P2RY8: variants seen among roughly 807,000 people sequenced by gnomAD.
P2RY8 encodes the protein P2Y receptor family member 8.
P2RY8 carries 6 observed loss-of-function variants against 10.0 expected under a neutral mutation model. That is an observed-to-expected ratio of 0.60 (90% CI 0.33 to 1.19). The LOEUF (loss-of-function observed/expected upper bound fraction) is 1.19. Ranked by LOEUF, P2RY8 falls within the 50% of genes most tolerant of loss-of-function variation. P2RY8 has a pLI of 0.04. For synonymous variants in P2RY8, 276 were observed against 252.5 expected, an observed-to-expected ratio of 1.09 and a Z score of -0.88; for missense variants, 456 against 542.0, an observed-to-expected ratio of 0.84 and a Z score of 1.58.
intron 1 of P2RY8, among the ~76,000 whole-genome samples, chrX:1,535,728 G>GACACACAGACACACACAC (rs2092521074): frequency 5.5e-5 from 3 of 54,816 alleles, no homozygotes; most frequent in Non-Finnish European, 7.6e-5. Flanking sequence ...CACACACACA[G>GACACACAGACACACACAC]ACACACACAC....
Position 1,466,443 on chromosome X carries a change from G to C in P2RY8, c.116C>G (p.Pro39Arg). 1 of 1,612,690 alleles carries C rather than the reference G, an allele frequency of 6.2e-7. No individual in the cohort carries two copies. The highest frequency in any genetic ancestry group is 8.5e-7 in the Non-Finnish European group (1 of 1,179,812). Residue 39 changes from proline (P) to arginine (R), a missense_variant, in exon 2 of 2, where the codon CCG becomes CGG. Pro to Arg is a moderately radical substitution (Grantham distance 103). Coordinates refer to ENST00000381297, the MANE Select transcript of P2RY8 (RefSeq NM_178129.5). ...CACCCACAGAGAGAAGAGGTTGCCC[G>C]GGATGCTGACCGCCGCCACCAGCGA... ...VYSLVAAVSIPGNLFSLWVLC... is the reference protein window; with the variant it reads ...VYSLVAAVSIRGNLFSLWVLC...
rs188929045 is a variant in P2RY8, at chrX:1,473,583, G to C, written c.-24-7001C>G. ...AGGTGGGTTTGTGAATGGGTGGGTA[G>C]GTGGGTGAATGGGTGGATTGATGGA... On this transcript the variant is annotated intron_variant, in intron 1 of 1. Transcript: ENST00000381297. 7.9e-5 allele frequency among the ~76,000 whole-genome samples: 12 copies of C among 151,166 alleles called. No individual in the cohort carries two copies. The East Asian group carries it at 2.4e-3, about 30-fold the overall frequency.
intron 1 of P2RY8, among the ~76,000 whole-genome samples, chrX:1,515,942 G>GGTGT (rs2092343360): frequency 1.7e-5 from 1 of 58,922 alleles, no homozygotes; most frequent in South Asian, 1.1e-3. Context: ...GGGAGGCCGA[G>GGTGT]GGGTCGGGGG....
chrX:1,526,631 C>A (rs1439389710), intron 1 of P2RY8, among the ~76,000 whole-genome samples: 2 of 151,604 alleles, frequency 1.3e-5, no homozygotes, highest in African/African-American at 4.8e-5. Flanking sequence ...TTTATGCATC[C>A]ACTCATTTAT....
At chrX:1,507,548 C>T (rs1411609967) in intron 1 of P2RY8, among the ~76,000 whole-genome samples, 1 of 152,124 alleles carries the variant, frequency 6.6e-6, no homozygotes, top group Admixed American at 6.6e-5. Flanking sequence ...CTCATGAGTC[C>T]CTGCAGTACT....
Position 1,466,112 on chromosome X carries a change from C to A in P2RY8, c.447G>T (p.Leu149=). ...YAVAACAGTW[L]LLLTALSPLA... ...GCGGGGACAGGGCGGTCAGGAGCAG[C>A]AGCCAGGTCCCTGCACACGCGGCCA... Residue 149 remains leucine, a synonymous_variant, in exon 2 of 2, where the codon CTG becomes CTT. Transcript: ENST00000381297. 7 of 1,611,664 alleles carry A rather than the reference C, an allele frequency of 4.3e-6. No homozygotes were observed. Among genetic ancestry groups the A allele is most frequent in the Non-Finnish European group, 5.9e-6 (7 of 1,179,544 alleles).
intron 1 of P2RY8, 104 bp from the exon 2 acceptor site, chrX:1,466,686 G>C (rs1467559346): frequency 3.5e-6 from 4 of 1,152,976 alleles, no homozygotes; most frequent in Admixed American, 5.1e-5. Context: ...AGGCGGGGGA[G>C]ATGCTTTAGC....
rs1303484617 is a variant in P2RY8, at chrX:1,467,177, A to G, written c.-24-595T>C. Among the ~76,000 whole-genome samples, 13 of 152,216 alleles carry G rather than the reference A, an allele frequency of 8.5e-5. No individual in the cohort carries two copies. The East Asian group carries it at 2.5e-3, about 29-fold the overall frequency. On this transcript the variant is annotated intron_variant, in intron 1 of 1. Coordinates refer to ENST00000381297, the MANE Select transcript of P2RY8 (RefSeq NM_178129.5). ...AGGGGCATCCACCCACAAAGTGTCT[A>G]TCAGCAGAAAACACACACTCCGAGT... is the stretch of plus-strand genomic sequence containing the variant.
chrX:1,467,065 C>G (rs2091695278), intron 1 of P2RY8, among the ~76,000 whole-genome samples: 1 of 151,858 alleles, frequency 6.6e-6, no homozygotes, highest in Admixed American at 6.6e-5. Context: ...ACGGAAACCA[C>G]AAAGCCACCG....
In P2RY8 at chrX:1,466,000, C is replaced by T. The variant is rs774739464; in HGVS notation, c.559G>A (p.Val187Met). 3.7e-6 allele frequency: 6 copies of T among 1,612,212 alleles called. No individual in the cohort carries two copies. In the Admixed American group the frequency reaches 6.7e-5, roughly 18 times the overall value. Reference protein sequence around the residue: ...DVLKWTMLPSVAMWAVFLFTI... With the variant: ...DVLKWTMLPSMAMWAVFLFTI... ...AAGAGGAACACGGCCCACATGGCCA[C>T]GCTGGGGAGCATCGTCCACTTGAGG... The change falls in exon 2 of 2, where the codon GTG becomes ATG. Residue 187 changes from valine (V) to methionine (M), a missense_variant. Coordinates refer to ENST00000381297, the MANE Select transcript of P2RY8 (RefSeq NM_178129.5).
At chrX:1,479,834 T>C (rs770782014) in intron 1 of P2RY8, among the ~76,000 whole-genome samples, 3 of 152,232 alleles carry the variant, frequency 2.0e-5, no homozygotes, top group African/African-American at 7.2e-5. Flanking sequence ...CCCATGGACA[T>C]TAAAAAGATC....
intron 1 of P2RY8, among the ~76,000 whole-genome samples, chrX:1,467,036 G>GACTC (rs201342692): frequency 0.53 from 79,968 of 151,170 alleles, 21,264 homozygotes; most frequent in Middle Eastern, 0.63. Flanking sequence ...CAAACCTCAA[G>GACTC]ACTCAGTGTC....
In P2RY8 at chrX:1,466,049, C is replaced by T; in HGVS notation, c.510G>A (p.Leu170=). 6.2e-7 allele frequency: 1 copy of T among 1,611,812 alleles called. No individual in the cohort carries two copies. The highest frequency in any genetic ancestry group is 1.1e-5 in the South Asian group (1 of 91,002). The change falls in exon 2 of 2, where the codon CTG becomes CTA. Residue 170 remains leucine, a synonymous_variant. Coordinates refer to ENST00000381297, the MANE Select transcript of P2RY8 (RefSeq NM_178129.5). Reference sequence around the variant, plus strand: ...GGACGTCGAAGCAGGTGATGATGCCCAGGGCGTGCACCGGGTAGGTGAGAT... The same window carrying T: ...GGACGTCGAAGCAGGTGATGATGCCTAGGGCGTGCACCGGGTAGGTGAGAT... The part of the protein sequence containing the change: ...RTDLTYPVHA[L]GIITCFDVLK...
At chrX:1,497,352 C>T (rs2092127399) in intron 1 of P2RY8, among the ~76,000 whole-genome samples, 1 of 148,122 alleles carries the variant, frequency 6.8e-6, no homozygotes, top group African/African-American at 2.5e-5. Context: ...CAAGGTCTCA[C>T]TCTGTGGCCC....
At chrX:1,499,007 G>A (rs1178268243) in intron 1 of P2RY8, among the ~76,000 whole-genome samples, 7 of 151,022 alleles carry the variant, frequency 4.6e-5, no homozygotes, top group Non-Finnish European at 7.4e-5. Flanking sequence ...GCTAATTTTT[G>A]TATTTTTAGT....
chrX:1,468,721 C>T (rs1241506713), intron 1 of P2RY8, among the ~76,000 whole-genome samples: 1 of 143,104 alleles, frequency 7.0e-6, no homozygotes, highest in Non-Finnish European at 1.6e-5. Context: ...GTAGGTGGGA[C>T]CCTCCTCTCC....
At chrX:1,509,507 C>CCATT (rs1351535128) in intron 1 of P2RY8, among the ~76,000 whole-genome samples, 1 of 116,910 alleles carries the variant, frequency 8.6e-6, no homozygotes, top group African/African-American at 3.5e-5. Context: ...ATCCCTCCAT[C>CCATT]CATCCATTCA....
At chrX:1,473,199 G>GGATGGATAGATGAGTAGGTA (rs1216247652) in intron 1 of P2RY8, among the ~76,000 whole-genome samples, 1 of 126,392 alleles carries the variant, frequency 7.9e-6, no homozygotes, top group Admixed American at 7.8e-5. Flanking sequence ...ATGGGTGGGT[G>GGATGGATAGATGAGTAGGTA]GATGGATAGA....
rs2091623731 is a variant in P2RY8 at position 1,463,873 on chromosome X, A to C, written c.*1606T>G. 1 of 233,188 alleles carries C rather than the reference A, an allele frequency of 4.3e-6. No individual in the cohort carries two copies. Among genetic ancestry groups the C allele is most frequent in the Non-Finnish European group, 8.5e-6 (1 of 118,066 alleles). The allele number at this position is 233,188 out of a possible 1,614,324, so 14.4% of individuals were successfully genotyped here. On this transcript the variant is annotated 3_prime_UTR_variant, in exon 2 of 2. Transcript: ENST00000381297. ...CTCATAGGGACACTGGATTGGGCCC[A>C]TTGTAAATGCAGTATGGCCTCGCCT...
Sources: gnomAD v4.1 joint callset for allele counts (sites outside exome capture counted in the v4.1 genomes callset) on GRCh38, gnomAD v4.1.1 for gene constraint, MANE v1.5 for transcripts, NCBI Gene and HGNC (gene_info 2026-07-23, HGNC 2026-07-21) for gene names.